The following GABRG3 variants were observed in gnomAD, a reference collection of about 807,000 sequenced individuals.
GABRG3 encodes gamma-aminobutyric acid receptor subunit gamma-3.
A neutral mutation model predicts 48.8 loss-of-function variants in GABRG3; 25 were observed. The ratio of observed to expected loss-of-function variants is 0.51; its 90% CI spans 0.37 to 0.72. GABRG3 has a LOEUF of 0.72. Ranked by LOEUF, GABRG3 falls within the 30% of genes least tolerant of loss-of-function variation. GABRG3 has a pLI of 0.00. For synonymous variants in GABRG3, 227 were observed against 217.6 expected (o/e 1.04, Z -0.38); for missense variants, 394 against 577.9 (o/e 0.68, Z 3.26).
intron 3 of GABRG3, among the ~76,000 whole-genome samples, chr15:27,277,961 C>T (rs1208233951): frequency 6.6e-6 from 1 of 152,136 alleles, no homozygotes; most frequent in Non-Finnish European, 1.5e-5. Context: ...AATAGCCAAA[C>T]CAGAACACTG....
At position 27,535,009 on chromosome 15, in the gene GABRG3, GGAGAATTT is replaced by G. The variant is rs1891516236; in HGVS notation, c.*2129_*2136del. On this transcript the variant is annotated 3_prime_UTR_variant, in exon 10 of 10. Transcript: ENST00000615808. Reference sequence around the variant, plus strand: ...TCTTAGATGCAATGTCTCCTCTATTGGAGAATTTCACACTCTGGTACTCTAGTTCTGTC... The same window carrying G: ...TCTTAGATGCAATGTCTCCTCTATTGCACACTCTGGTACTCTAGTTCTGTC... 6.6e-6 allele frequency: 1 copy of G among 152,122 alleles called. No individual in the cohort carries two copies. The highest frequency in any genetic ancestry group is 2.4e-5 in the African/African-American group (1 of 41,412). 9.4% of individuals were successfully genotyped at this position (152,122 alleles called of 1,614,324 possible). A position where few individuals can be genotyped will look rare whatever the true frequency, so the allele number is the denominator to read the frequency against.
At chr15:27,169,657 C>T (rs1004271806) in intron 3 of GABRG3, among the ~76,000 whole-genome samples, 10 of 152,158 alleles carry the variant, frequency 6.6e-5, no homozygotes, top group Non-Finnish European at 1.0e-4. Context: ...GCAGCCCTCC[C>T]GGCCACTCCA....
In GABRG3 at chr15:27,469,583, T is replaced by C. The variant is rs552761293; in HGVS notation, c.575-11067T>C. The stretch of plus-strand genomic sequence containing the variant: ...CTCGAACTCCTGACCTCAGGTGATC[T>C]GCCTGCCTCGGCCTCCCAAAGTGCT... On this transcript the variant is annotated intron_variant, in intron 5 of 9. Transcript: ENST00000615808. Among the ~76,000 whole-genome samples the C allele has an allele frequency of 4.9e-4, 74 of 152,252 alleles. 2 individuals carry two copies. The South Asian group carries it at 0.015, about 30-fold the overall frequency.
intron 3 of GABRG3, among the ~76,000 whole-genome samples, chr15:27,058,616 T>C (rs74422753): frequency 0.015 from 2,280 of 151,990 alleles, 67 homozygotes; most frequent in African/African-American, 0.05. Flanking sequence ...TGTTGCAACC[T>C]GTGAAAGTAC....
chr15:27,230,653 T>G (rs1889767853), intron 3 of GABRG3, among the ~76,000 whole-genome samples: 1 of 152,210 alleles, frequency 6.6e-6, no homozygotes. Context: ...TTCCTCTGTT[T>G]CATTTCACCC....
At chr15:27,269,703 A>T (rs760543947) in intron 3 of GABRG3, among the ~76,000 whole-genome samples, 1 of 152,354 alleles carries the variant, frequency 6.6e-6, no homozygotes, top group African/African-American at 2.4e-5. Context: ...AATAGGTGAC[A>T]TGAGTACATT....
chr15:27,050,799 T>C (rs553301578), intron 3 of GABRG3, among the ~76,000 whole-genome samples: 2 of 152,168 alleles, frequency 1.3e-5, no homozygotes, highest in Non-Finnish European at 2.9e-5. Flanking sequence ...TTACTTATAG[T>C]AGTCATACAG....
chr15:27,252,663 G>A (rs1325687223), intron 3 of GABRG3, among the ~76,000 whole-genome samples: 1 of 152,134 alleles, frequency 6.6e-6, no homozygotes, highest in Admixed American at 6.5e-5. Flanking sequence ...CCTTTTGGCT[G>A]GGAATTTGAC....
chr15:27,007,924 T>A (rs895721997), intron 2 of GABRG3, among the ~76,000 whole-genome samples: 2 of 152,182 alleles, frequency 1.3e-5, no homozygotes, highest in Admixed American at 6.5e-5. Context: ...GTCCCTTTTG[T>A]CAATTTTTGC....
At position 27,434,527 on chromosome 15, in the gene GABRG3, A is replaced by G. The variant is rs189543823; in HGVS notation, c.575-46123A>G. ...AATTCATAATAAATAATTATACATT[A>G]TATATATAATTATCAAATCCAGAAT... is the stretch of plus-strand genomic sequence containing the variant. On this transcript the variant is annotated intron_variant, in intron 5 of 9. Transcript: ENST00000615808. Among the ~76,000 whole-genome samples the G allele has an allele frequency of 2.2e-4, 34 of 152,232 alleles. No homozygotes were observed. The East Asian group carries it at 6.6e-3, about 29-fold the overall frequency.
chr15:27,335,154 A>ATAGGTAGACAAGACCCCTT (rs1893922439), intron 5 of GABRG3, among the ~76,000 whole-genome samples: 1 of 152,144 alleles, frequency 6.6e-6, no homozygotes, highest in African/African-American at 2.4e-5. Context: ...TGCTATACCC[A>ATAGGTAGACAAGACCCCTT]TTGGTAGACA....
rs146350442 is a variant in GABRG3 at position 27,242,114 on chromosome 15, C to G, written c.271-84695C>G. ...GAGATGCCTGGTTTGCCTGGCCCAA[C>G]TGCTGCACCAGCATTTCAAACAGCA... is the stretch of plus-strand genomic sequence containing the variant. On this transcript the variant is annotated intron_variant, in intron 3 of 9. Transcript: ENST00000615808. 7.5e-4 allele frequency among the ~76,000 whole-genome samples: 114 copies of G among 152,324 alleles called. 1 individual carries two copies. The East Asian group carries it at 0.015, about 20-fold the overall frequency.
intron 3 of GABRG3, among the ~76,000 whole-genome samples, chr15:27,288,796 C>T (rs1430833874): frequency 6.6e-6 from 1 of 152,032 alleles, no homozygotes; most frequent in Non-Finnish European, 1.5e-5. Flanking sequence ...TTCTGAAGCT[C>T]GTCCAAATTT....
At chr15:27,143,390 TAAG>T (rs1311335887) in intron 3 of GABRG3, among the ~76,000 whole-genome samples, 4 of 152,230 alleles carry the variant, frequency 2.6e-5, no homozygotes, top group East Asian at 1.9e-4. Flanking sequence ...GGGTTTCTTA[TAAG>T]AAGAAGCAAC....
intron 5 of GABRG3, among the ~76,000 whole-genome samples, chr15:27,370,994 A>G (rs1374357997): frequency 6.6e-6 from 1 of 152,194 alleles, no homozygotes; most frequent in African/African-American, 2.4e-5. Flanking sequence ...GGGAAAACAG[A>G]CATGCAAACG....
intron 5 of GABRG3, among the ~76,000 whole-genome samples, chr15:27,348,568 A>G (rs576820209): frequency 5.3e-5 from 8 of 152,274 alleles, no homozygotes; most frequent in Admixed American, 2.6e-4. Flanking sequence ...GGTGTAGTCA[A>G]GGTTCTAAAA....
At chr15:27,013,340 C>T (rs1595472193) in intron 2 of GABRG3, among the ~76,000 whole-genome samples, 1 of 152,086 alleles carries the variant, frequency 6.6e-6, no homozygotes, top group East Asian at 1.9e-4. Context: ...CCTTCTACGT[C>T]TTGGCTATTG....
intron 3 of GABRG3, among the ~76,000 whole-genome samples, chr15:27,320,047 C>T (rs753801916): frequency 3.3e-5 from 5 of 152,088 alleles, no homozygotes; most frequent in African/African-American, 9.7e-5. Context: ...TAGCATCACC[C>T]GGTTCCCAGG....
intron 3 of GABRG3, among the ~76,000 whole-genome samples, chr15:27,099,028 A>G (rs1897312632): frequency 6.6e-6 from 1 of 152,198 alleles, no homozygotes; most frequent in South Asian, 2.1e-4. Flanking sequence ...ATCAAAACTC[A>G]CTTGAATTAC....
Sources: allele counts gnomAD v4.1 joint callset (sites outside exome capture counted in the v4.1 genomes callset), GRCh38; gene constraint gnomAD v4.1.1; transcripts MANE v1.5; gene names NCBI Gene and HGNC (gene_info 2026-07-23, HGNC 2026-07-21).